Variants in FRMD5 observed in about 807,000 individuals in gnomAD.
FRMD5 encodes FERM domain-containing protein 5.
In FRMD5, 20 loss-of-function variants were observed where a neutral mutation model predicts 69.0. The observed-to-expected ratio is 0.29, with a 90% CI of 0.20 to 0.42. The LOEUF (loss-of-function observed/expected upper bound fraction) is 0.42. FRMD5 is among the 10% of genes least tolerant of loss of function. The pLI is 1.00. For missense variants in FRMD5, 595 were observed against 708.6 expected (o/e 0.84, Z 1.82); for synonymous variants, 271 against 260.1 (o/e 1.04, Z -0.40).
chr15:44,010,486 C>T (rs1455968032), intron 1 of FRMD5, among the ~76,000 whole-genome samples: 4 of 150,644 alleles, frequency 2.7e-5, no homozygotes, highest in Non-Finnish European at 4.4e-5. Flanking sequence ...CAACCTCCAT[C>T]TCCTGAGTTC....
At chr15:44,075,236 G>A (rs1266920294) in intron 1 of FRMD5, among the ~76,000 whole-genome samples, 1 of 152,070 alleles carries the variant, frequency 6.6e-6, no homozygotes. Context: ...TCCTCTCCCT[G>A]GCTTGAACAT....
chr15:43,922,845 T>C (rs1021225237), intron 2 of FRMD5, among the ~76,000 whole-genome samples: 14 of 152,174 alleles, frequency 9.2e-5, no homozygotes, highest in Admixed American at 2.6e-4. Context: ...AATTTTTGTA[T>C]TTTTAGTGGA....
chr15:44,123,181 C>T (rs2076979276), intron 1 of FRMD5, among the ~76,000 whole-genome samples: 1 of 151,886 alleles, frequency 6.6e-6, no homozygotes, highest in Admixed American at 6.6e-5. Flanking sequence ...CCCATCTCTA[C>T]TAAAAATACA....
chr15:43,933,492 T>C (rs908655628), intron 1 of FRMD5, among the ~76,000 whole-genome samples: 11 of 152,240 alleles, frequency 7.2e-5, no homozygotes, highest in Non-Finnish European at 1.6e-4. Flanking sequence ...CAGGTGATGC[T>C]GCTGTTGCTG....
intron 1 of FRMD5, among the ~76,000 whole-genome samples, chr15:44,044,088 A>C (rs1005546184): frequency 2.0e-5 from 3 of 152,120 alleles, no homozygotes; most frequent in African/African-American, 7.2e-5. Flanking sequence ...ATAAAAAAAA[A>C]CCCCATCAAA....
intron 1 of FRMD5, among the ~76,000 whole-genome samples, chr15:44,005,066 T>C (rs545650836): frequency 1.3e-5 from 2 of 152,322 alleles, no homozygotes; most frequent in African/African-American, 2.4e-5. Flanking sequence ...TACCTCTCAA[T>C]TCTGTGAAGG....
chr15:43,934,555 G>C (rs2089727145), intron 1 of FRMD5, among the ~76,000 whole-genome samples: 1 of 152,158 alleles, frequency 6.6e-6, no homozygotes, highest in Admixed American at 6.5e-5. Context: ...AAAGTAAATG[G>C]AAAGAGTAAC....
At chr15:43,968,468 C>T (rs1254644115) in intron 1 of FRMD5, among the ~76,000 whole-genome samples, 1 of 152,088 alleles carries the variant, frequency 6.6e-6, no homozygotes, top group Non-Finnish European at 1.5e-5. Context: ...CTGGGAATTT[C>T]ATTTTTTTCA....
intron 7 of FRMD5, among the ~76,000 whole-genome samples, chr15:43,893,800 T>C (rs2088852240): frequency 6.6e-6 from 1 of 152,136 alleles, no homozygotes; most frequent in Admixed American, 6.5e-5. Flanking sequence ...GCCTGATTGG[T>C]CGCAAGAACA....
chr15:44,170,211 C>T lies in FRMD5; in HGVS notation c.102+24742G>A, dbSNP rs145927581. ...GACTACAGGAGAACACCATCAAGCC[C>T]AGCTGGTTGCTTATTAAATATACTT... On this transcript the variant is annotated intron_variant, in intron 1 of 13. Transcript: ENST00000417257. 1.1e-4 allele frequency among the ~76,000 whole-genome samples: 17 copies of T among 152,208 alleles called. No individual in the cohort carries two copies. The East Asian group carries it at 3.3e-3, about 29-fold the overall frequency.
chr15:43,891,242 G>A (rs2088786567), intron 8 of FRMD5, among the ~76,000 whole-genome samples: 1 of 152,212 alleles, frequency 6.6e-6, no homozygotes, highest in South Asian at 2.1e-4. Context: ...ACAAACCAGA[G>A]TCTGCCCAGA....
intron 1 of FRMD5, among the ~76,000 whole-genome samples, chr15:44,160,756 C>A (rs1366224969): frequency 6.6e-6 from 1 of 152,168 alleles, no homozygotes; most frequent in Non-Finnish European, 1.5e-5. Context: ...ATCCTAATTC[C>A]ATTTTTATGG....
chr15:44,170,472 G>A (rs905979088), intron 1 of FRMD5, among the ~76,000 whole-genome samples: 1 of 150,208 alleles, frequency 6.7e-6, no homozygotes, highest in Non-Finnish European at 1.5e-5. Flanking sequence ...GCAGTAAGCC[G>A]AGATCACACC....
At chr15:44,012,938 G>T (rs1000391285) in intron 1 of FRMD5, among the ~76,000 whole-genome samples, 2 of 146,050 alleles carry the variant, frequency 1.4e-5, no homozygotes, top group African/African-American at 4.9e-5. Context: ...AGCTAATTTT[G>T]TATTTTTAGT....
intron 1 of FRMD5, among the ~76,000 whole-genome samples, chr15:44,186,475 G>A: frequency 6.6e-6 from 1 of 152,166 alleles, no homozygotes; most frequent in East Asian, 1.9e-4. Flanking sequence ...AGGAGTGCCT[G>A]GATGGAGTAC....
intron 1 of FRMD5, among the ~76,000 whole-genome samples, chr15:43,974,847 A>T (rs978142146): frequency 6.6e-6 from 1 of 152,240 alleles, no homozygotes; most frequent in Non-Finnish European, 1.5e-5. Flanking sequence ...AGAATTTGTT[A>T]CATGCAGATC....
At chr15:44,141,565 C>T (rs539936082) in intron 1 of FRMD5, among the ~76,000 whole-genome samples, 25 of 152,184 alleles carry the variant, frequency 1.6e-4, no homozygotes, top group Admixed American at 3.3e-4. Flanking sequence ...AAAAAAGAAC[C>T]CTAAATGTGA....
intron 4 of FRMD5, among the ~76,000 whole-genome samples, chr15:43,910,667 TAA>T (rs1370249670): frequency 2.6e-5 from 4 of 151,642 alleles, no homozygotes; most frequent in Admixed American, 2.6e-4. Flanking sequence ...AGCACCTCTT[TAA>T]ATACAGAAAG....
intron 1 of FRMD5, among the ~76,000 whole-genome samples, chr15:44,193,019 T>C (rs1457327267): frequency 3.3e-5 from 5 of 152,182 alleles, no homozygotes; most frequent in Admixed American, 3.3e-4. Flanking sequence ...AAGTCCTATT[T>C]AACTCAAAAA....
Sources: gnomAD v4.1 joint callset for allele counts (sites outside exome capture counted in the v4.1 genomes callset) on GRCh38, gnomAD v4.1.1 for gene constraint, MANE v1.5 for transcripts, NCBI Gene and HGNC (gene_info 2026-07-23, HGNC 2026-07-21) for gene names.